Variants in STK38L observed in about 807,000 individuals in gnomAD.
STK38L encodes the protein serine/threonine kinase 38 like.
STK38L carries 28 observed loss-of-function variants against 59.7 expected under a neutral mutation model. The observed-to-expected ratio is 0.47, with a 90% CI of 0.35 to 0.64. The LOEUF (loss-of-function observed/expected upper bound fraction) is 0.64, where lower values mean the gene tolerates loss of function less well. STK38L is among the 30% of genes least tolerant of loss of function. The pLI is 0.01. For missense variants in STK38L, 314 were observed against 555.8 expected (o/e 0.56, Z 4.37); for synonymous variants, 162 against 176.8 (o/e 0.92, Z 0.66).
At position 27,314,556 on chromosome 12, in the gene STK38L, A is replaced by C. The variant is rs776593955; in HGVS notation, c.570A>C (p.Thr190=). The C allele has an allele frequency of 6.2e-7, 1 of 1,604,372 alleles. No individual in the cohort carries two copies. Among genetic ancestry groups the C allele is most frequent in the Non-Finnish European group, 8.5e-7 (1 of 1,175,324 alleles). Residue 190 remains threonine (T), a synonymous_variant, in exon 7 of 14, where the codon ACA becomes ACC. Transcript: ENST00000389032. ...MKKDTLTEEE[T]QFYISETVLA... is the part of the protein sequence containing the mutation. ...AAGACACCTTGACAGAAGAGGAAAC[A>C]CAGTTCTACATTTCAGAGACTGTTC...
Position 27,312,684 on chromosome 12 carries a change from CATT to C in STK38L, c.517+13_517+15del, listed in dbSNP as rs766437985. The C allele has an allele frequency of 6.2e-7, 1 of 1,613,442 alleles. No individual in the cohort carries two copies. Among genetic ancestry groups the C allele is most frequent in the East Asian group, 2.2e-5 (1 of 44,836 alleles). Reference sequence around the variant, plus strand: ...ATTTCTCCCTGGAGGTAAAAGCAAACATTGTATCAATGACAGACTGATACAAGC... The same window carrying C: ...ATTTCTCCCTGGAGGTAAAAGCAAACGTATCAATGACAGACTGATACAAGC... On this transcript the variant is annotated intron_variant, in intron 6 of 13. Transcript: ENST00000389032.
intron 1 of STK38L, among the ~76,000 whole-genome samples, chr12:27,293,180 C>A (rs911751905): frequency 2.6e-5 from 4 of 152,194 alleles, no homozygotes; most frequent in Non-Finnish European, 5.9e-5. Flanking sequence ...TTCCCTAACA[C>A]TTCTTTATGT....
At chr12:27,254,098 T>G (rs1565522286) in intron 1 of STK38L, among the ~76,000 whole-genome samples, 1 of 152,142 alleles carries the variant, frequency 6.6e-6, no homozygotes, top group South Asian at 2.1e-4. Flanking sequence ...TTTTCTTTGA[T>G]GAAGCCTAGA....
chr12:27,282,651 G>A (rs544241311), intron 1 of STK38L, among the ~76,000 whole-genome samples: 4 of 152,078 alleles, frequency 2.6e-5, no homozygotes, highest in Admixed American at 2.6e-4. Context: ...CAGTCTGGCC[G>A]TGTATATCAG....
At chr12:27,317,711 G>A (rs1387001430) in intron 10 of STK38L, 185 bp from the exon 11 acceptor site, 1 of 816,270 alleles carries the variant, frequency 1.2e-6, no homozygotes, top group Non-Finnish European at 1.9e-6. Flanking sequence ...AGGGGAGGCA[G>A]TGCTTTCAAT....
In STK38L at chr12:27,280,301, G is replaced by A. The variant is rs1943626244; in HGVS notation, c.-11-17409G>A. On this transcript the variant is annotated intron_variant, in intron 1 of 13. Transcript: ENST00000389032. ...ATGCAATGAAAGAGAATCAAAGTCA[G>A]TACTGATTCCAGCTACCTTTTCTTT... Among the ~76,000 whole-genome samples, 4 of 152,292 alleles carry A rather than the reference G, an allele frequency of 2.6e-5. No individual in the cohort carries two copies. The South Asian group carries it at 8.3e-4, about 32-fold the overall frequency.
chr12:27,320,963 A>ATT (rs1165605632), intron 12 of STK38L, among the ~76,000 whole-genome samples: 2 of 152,152 alleles, frequency 1.3e-5, no homozygotes, highest in East Asian at 3.9e-4. Context: ...GAATAGAACT[A>ATT]GAATACCCTC....
intron 1 of STK38L, among the ~76,000 whole-genome samples, chr12:27,259,933 A>G (rs1359942370): frequency 6.6e-6 from 1 of 152,208 alleles, no homozygotes; most frequent in African/African-American, 2.4e-5. Flanking sequence ...CAGTCTTTTC[A>G]GAATCTTCCC....
chr12:27,267,371 A>G (rs1943321722), intron 1 of STK38L, among the ~76,000 whole-genome samples: 1 of 152,208 alleles, frequency 6.6e-6, no homozygotes, highest in Admixed American at 6.5e-5. Context: ...AGTTGAAGCC[A>G]GGAGTTGGAG....
intron 1 of STK38L, among the ~76,000 whole-genome samples, chr12:27,288,727 A>G (rs947687094): frequency 1.3e-5 from 2 of 151,688 alleles, no homozygotes; most frequent in Non-Finnish European, 2.9e-5. Flanking sequence ...ATATTTATAA[A>G]TTTGTTTTTT....
chr12:27,322,477 A>T lies in STK38L; in HGVS notation c.*22A>T. On this transcript the variant is annotated 3_prime_UTR_variant, in exon 14 of 14. Transcript: ENST00000389032. The stretch of plus-strand genomic sequence containing the variant: ...ATGAATGAAGATAACATTCACCCAT[A>T]ACCAAGAGAACTCAGGTAGCTGCAT... 6.2e-7 allele frequency: 1 copy of T among 1,605,344 alleles called. No homozygotes were observed. Among genetic ancestry groups the T allele is most frequent in the African/African-American group, 1.3e-5 (1 of 74,414 alleles).
intron 1 of STK38L, among the ~76,000 whole-genome samples, chr12:27,281,468 A>G (rs1251337677): frequency 6.6e-6 from 1 of 152,216 alleles, no homozygotes; most frequent in Admixed American, 6.5e-5. Flanking sequence ...AACAGGGTTC[A>G]CATCCCTGCT....
At chr12:27,321,326 G>A (rs1944723196) in intron 12 of STK38L, among the ~76,000 whole-genome samples, 1 of 152,046 alleles carries the variant, frequency 6.6e-6, no homozygotes, top group African/African-American at 2.4e-5. Flanking sequence ...TGATAAGAAG[G>A]CATTTTCATG....
chr12:27,299,563 C>T (rs1226906661), intron 2 of STK38L, among the ~76,000 whole-genome samples: 2 of 151,938 alleles, frequency 1.3e-5, no homozygotes, highest in Non-Finnish European at 2.9e-5. Context: ...GAAATAATAG[C>T]GATAATATCT....
intron 1 of STK38L, among the ~76,000 whole-genome samples, chr12:27,276,770 T>C (rs1943546976): frequency 6.6e-6 from 1 of 152,106 alleles, no homozygotes; most frequent in Non-Finnish European, 1.5e-5. Context: ...ATACACAAAG[T>C]TATGGAGAAA....
intron 6 of STK38L, 122 bp from the exon 7 acceptor site, chr12:27,314,382 C>T: frequency 1.3e-6 from 1 of 753,170 alleles, no homozygotes. Context: ...ACCCAGGCAA[C>T]AGAGTGAGAC....
At position 27,317,318 on chromosome 12, in the gene STK38L, C is replaced by T. The variant is rs375556254; in HGVS notation, c.838-18C>T. On this transcript the variant is annotated intron_variant, in intron 9 of 13. Transcript: ENST00000389032. ...TTAAATGTTAAGAATGCTGGTTTGA[C>T]GAGTTGCTCCTTTGTAGGCATATTC... 46 of 1,549,846 alleles carry T rather than the reference C, an allele frequency of 3.0e-5. 1 individual carries two copies. In the African/African-American group the frequency reaches 5.3e-4, roughly 18 times the overall value.
intron 1 of STK38L, among the ~76,000 whole-genome samples, chr12:27,287,246 C>T (rs947054926): frequency 6.6e-6 from 1 of 152,064 alleles, no homozygotes; most frequent in Non-Finnish European, 1.5e-5. Flanking sequence ...GCTAGGACTA[C>T]AGGCGCATGC....
Position 27,283,394 on chromosome 12 carries a change from T to G in STK38L, c.-11-14316T>G, listed in dbSNP as rs566987313. Among the ~76,000 whole-genome samples, 7 of 152,356 alleles carry G rather than the reference T, an allele frequency of 4.6e-5. No homozygotes were observed. In the East Asian group the frequency reaches 7.7e-4, roughly 17 times the overall value. ...TCAGTCACTTGATTAAAATTAGTTA[T>G]ATGTTTTAAGTGCTTGGAACAATGC... is the stretch of plus-strand genomic sequence containing the variant. On this transcript the variant is annotated intron_variant, in intron 1 of 13. Coordinates refer to ENST00000389032, the MANE Select transcript of STK38L (RefSeq NM_015000.4).
Sources: gnomAD v4.1 joint callset for allele counts (sites outside exome capture counted in the v4.1 genomes callset) on GRCh38, gnomAD v4.1.1 for gene constraint, MANE v1.5 for transcripts, NCBI Gene and HGNC (gene_info 2026-07-23, HGNC 2026-07-21) for gene names.